The following SLC24A2 variants were observed in gnomAD, a reference collection of about 807,000 sequenced individuals.
SLC24A2 encodes solute carrier family 24 member 2, also known as sodium/potassium/calcium exchanger 2.
In SLC24A2, 36 loss-of-function variants were observed where a neutral mutation model predicts 62.0. The observed-to-expected ratio is 0.58, with a 90% CI of 0.44 to 0.77. The LOEUF (loss-of-function observed/expected upper bound fraction) is 0.77. Ranked by LOEUF, SLC24A2 falls within the 30% of genes least tolerant of loss-of-function variation. The pLI is 0.00. For synonymous variants in SLC24A2, 358 were observed against 294.0 expected, an observed-to-expected ratio of 1.22 and a Z score of -2.23; for missense variants, 846 against 817.9, an observed-to-expected ratio of 1.03 and a Z score of -0.42.
chr9:19,650,740 A>C (rs1423214699), intron 2 of SLC24A2, among the ~76,000 whole-genome samples: 1 of 151,764 alleles, frequency 6.6e-6, no homozygotes, highest in Non-Finnish European at 1.5e-5. Flanking sequence ...ACACACACAA[A>C]TAAAAATACA....
the SLC24A2 span, among the ~76,000 whole-genome samples, chr9:19,805,541 G>A: frequency 1.3e-5 from 2 of 152,150 alleles, no homozygotes; most frequent in African/African-American, 2.4e-5. Context: ...GGGCAAGTAC[G>A]TTGTCAATGT....
At chr9:20,215,987 A>T in the SLC24A2 span, among the ~76,000 whole-genome samples, 1 of 152,150 alleles carries the variant, frequency 6.6e-6, no homozygotes, top group South Asian at 2.1e-4. Flanking sequence ...GAATCCTTTT[A>T]CTGTTGTTCA....
chr9:20,254,779 A>C, the SLC24A2 span, among the ~76,000 whole-genome samples: 1 of 152,168 alleles, frequency 6.6e-6, no homozygotes, highest in East Asian at 1.9e-4. Flanking sequence ...AGAAATACCC[A>C]AGACTGGATG....
At chr9:20,037,213 C>G in the SLC24A2 span, among the ~76,000 whole-genome samples, 2 of 152,088 alleles carry the variant, frequency 1.3e-5, no homozygotes, top group Non-Finnish European at 2.9e-5. Context: ...TTTAAATCAT[C>G]TATAGATTAC....
the SLC24A2 span, among the ~76,000 whole-genome samples, chr9:20,258,108 T>C: frequency 6.6e-6 from 1 of 152,332 alleles, no homozygotes; most frequent in Admixed American, 6.5e-5. Context: ...GGGAGAATAA[T>C]GACTCCCAAA....
chr9:19,520,184 T>C (rs1286661326), intron 10 of SLC24A2, among the ~76,000 whole-genome samples: 2 of 152,214 alleles, frequency 1.3e-5, no homozygotes, highest in Non-Finnish European at 2.9e-5. Context: ...CCAGTACTCC[T>C]GGGAACGTAA....
the SLC24A2 span, among the ~76,000 whole-genome samples, chr9:20,096,081 ATCCATCCGTCCG>A: frequency 5.7e-5 from 8 of 139,602 alleles, no homozygotes; most frequent in African/African-American, 2.2e-4. Flanking sequence ...CCATCCATCC[ATCCATCCGTCCG>A]TCCGTCCGTC....
At chr9:20,090,355 C>T in the SLC24A2 span, among the ~76,000 whole-genome samples, 1 of 152,200 alleles carries the variant, frequency 6.6e-6, no homozygotes, top group Non-Finnish European at 1.5e-5. Flanking sequence ...GCCCTGAGAT[C>T]ACCCCAGAGC....
At chr9:20,217,953 A>G in the SLC24A2 span, among the ~76,000 whole-genome samples, 25 of 152,308 alleles carry the variant, frequency 1.6e-4, no homozygotes, top group African/African-American at 5.5e-4. Flanking sequence ...AATGAACTCA[A>G]AGAAAACAGT....
At chr9:20,255,934 T>C in the SLC24A2 span, among the ~76,000 whole-genome samples, 1 of 152,180 alleles carries the variant, frequency 6.6e-6, no homozygotes, top group Non-Finnish European at 1.5e-5. Context: ...AGGTAACTGA[T>C]AATGAACAGA....
At chr9:19,903,032 A>T in the SLC24A2 span, among the ~76,000 whole-genome samples, 1 of 138,034 alleles carries the variant, frequency 7.2e-6, no homozygotes, top group Non-Finnish European at 1.5e-5. Context: ...AAGTCTTAAA[A>T]ATCAGGCTTT....
intron 8 of SLC24A2, among the ~76,000 whole-genome samples, chr9:19,547,034 C>G (rs1563952602): frequency 6.6e-6 from 1 of 152,164 alleles, no homozygotes. Flanking sequence ...CTGTGGCGAT[C>G]TCGCTGGGAG....
chr9:19,578,331 CATA>C (rs1301980281), intron 5 of SLC24A2, among the ~76,000 whole-genome samples: 2 of 125,160 alleles, frequency 1.6e-5, no homozygotes, highest in Non-Finnish European at 3.3e-5. Flanking sequence ...TTATTATTGA[CATA>C]ATAAGTAAAT....
chr9:20,114,828 G>A, the SLC24A2 span, among the ~76,000 whole-genome samples: 6 of 152,264 alleles, frequency 3.9e-5, no homozygotes, highest in South Asian at 4.1e-4. Context: ...GTAAGATGCT[G>A]TAGGGACAAA....
chr9:19,854,388 G>A, the SLC24A2 span, among the ~76,000 whole-genome samples: 23 of 151,900 alleles, frequency 1.5e-4, no homozygotes, highest in African/African-American at 3.6e-4. Flanking sequence ...GTGATGTTAG[G>A]ATGTCAATTT....
intron 7 of SLC24A2, among the ~76,000 whole-genome samples, chr9:19,569,311 G>GAACC (rs1563973121): frequency 6.6e-6 from 1 of 152,208 alleles, no homozygotes; most frequent in Non-Finnish European, 1.5e-5. Flanking sequence ...GCCAATCCTG[G>GAACC]AACCACAGGT....
chr9:19,579,226 G>A (rs4977565), intron 5 of SLC24A2, among the ~76,000 whole-genome samples: 139,828 of 152,022 alleles, frequency 0.92, 64,373 homozygotes, highest in East Asian at 1. Flanking sequence ...GAACAGAAAG[G>A]AAAAATAGAG....
At chr9:19,696,598 A>G (rs1421189021) in intron 2 of SLC24A2, among the ~76,000 whole-genome samples, 1 of 152,188 alleles carries the variant, frequency 6.6e-6, no homozygotes, top group Admixed American at 6.5e-5. Flanking sequence ...GGTGTTTGCT[A>G]TATTATTCTA....
the SLC24A2 span, among the ~76,000 whole-genome samples, chr9:20,254,477 C>G: frequency 6.6e-6 from 1 of 152,158 alleles, no homozygotes; most frequent in Non-Finnish European, 1.5e-5. Context: ...TGGGGTGATG[C>G]AGGGGCAGGA....
Sources: gnomAD v4.1 joint callset for allele counts (sites outside exome capture counted in the v4.1 genomes callset) on GRCh38, gnomAD v4.1.1 for gene constraint, MANE v1.5 for transcripts, NCBI Gene and HGNC (gene_info 2026-07-23, HGNC 2026-07-21) for gene names.